IFT74: variants seen among roughly 807,000 people sequenced by gnomAD.
IFT74 encodes the protein intraflagellar transport 74.
Under a neutral mutation model 96.7 loss-of-function variants are expected in IFT74, and 92 were observed. The ratio of observed to expected loss-of-function variants is 0.95; its 90% confidence interval spans 0.80 to 1.13. IFT74 has a LOEUF of 1.13. IFT74 is among the 50% of genes most tolerant of loss of function. The probability of loss-of-function intolerance (pLI) is 0.00; values close to 1 mark genes in which losing one functional copy is unlikely to be tolerated. For missense variants in IFT74, 811 were observed against 698.2 expected (o/e 1.16, Z -1.82); for synonymous variants, 223 against 213.2 (o/e 1.05, Z -0.40).
chr9:27,005,668 C>T (rs773605871), intron 8 of IFT74: 1 of 151,216 alleles, frequency 6.6e-6, no homozygotes, highest in Non-Finnish European at 1.5e-5. Context: ...AAAAGTACAT[C>T]GTATGATTAC....
intron 13 of IFT74, among the ~76,000 whole-genome samples, chr9:27,040,544 C>CAAAAAAAAAAAAA (rs751893169): frequency 9.7e-5 from 6 of 62,074 alleles, no homozygotes; most frequent in African/African-American, 3.4e-4. Flanking sequence ...GACACTGTCT[C>CAAAAAAAAAAAAA]AAAAAAAAAA....
intron 8 of IFT74, among the ~76,000 whole-genome samples, chr9:26,998,429 A>G (rs986223218): frequency 9.8e-5 from 15 of 152,320 alleles, no homozygotes; most frequent in Non-Finnish European, 2.1e-4. Context: ...AAAATTAAGG[A>G]TATTCTGATA....
chr9:26,956,404 C>A (rs192222862), upstream of IFT74: 147 of 152,388 alleles, frequency 9.6e-4, 1 homozygote, highest in African/African-American at 3.4e-3. Context: ...TACGCCGCGG[C>A]GCACGGCAGT....
intron 4 of IFT74, among the ~76,000 whole-genome samples, chr9:26,983,384 A>G (rs1047294956): frequency 2.4e-4 from 36 of 152,308 alleles, no homozygotes; most frequent in African/African-American, 7.9e-4. Context: ...CTGGCTCTAG[A>G]GCAGTGGTTC....
chr9:26,969,141 A>G (rs1826766627), intron 2 of IFT74, among the ~76,000 whole-genome samples: 1 of 152,052 alleles, frequency 6.6e-6, no homozygotes, highest in Non-Finnish European at 1.5e-5. Context: ...GTTTTAAAAA[A>G]TTTCCTTTTT....
intron 9 of IFT74, among the ~76,000 whole-genome samples, chr9:27,009,511 A>C (rs1016113174): frequency 2.0e-5 from 3 of 152,164 alleles, no homozygotes; most frequent in African/African-American, 7.2e-5. Context: ...AAATGTTTGC[A>C]TTGATAAAAA....
At chr9:26,975,771 C>G (rs1827088422) in intron 2 of IFT74, among the ~76,000 whole-genome samples, 1 of 152,182 alleles carries the variant, frequency 6.6e-6, no homozygotes, top group Admixed American at 6.5e-5. Flanking sequence ...CTATCGATTT[C>G]CATAGGCATT....
intron 18 of IFT74, among the ~76,000 whole-genome samples, chr9:27,057,815 G>A (rs537202099): frequency 6.6e-6 from 1 of 151,768 alleles, no homozygotes; most frequent in African/African-American, 2.4e-5. Context: ...CTGAGATCGC[G>A]CCACTGCACT....
chr9:27,035,941 A>G (rs969215421), intron 13 of IFT74, among the ~76,000 whole-genome samples: 3 of 152,210 alleles, frequency 2.0e-5, no homozygotes, highest in African/African-American at 7.2e-5. Flanking sequence ...AAATCCATGT[A>G]TAACTTTTGA....
At chr9:26,991,607 T>A (rs1305784768) in intron 8 of IFT74, among the ~76,000 whole-genome samples, 2 of 152,156 alleles carry the variant, frequency 1.3e-5, no homozygotes, top group Non-Finnish European at 2.9e-5. Flanking sequence ...GAAAATTTTG[T>A]TCATGGTAAC....
chr9:27,007,766 G>T (rs940236316), intron 8 of IFT74, among the ~76,000 whole-genome samples: 1 of 152,204 alleles, frequency 6.6e-6, no homozygotes, highest in Non-Finnish European at 1.5e-5. Context: ...ATCTATGAGC[G>T]AAAGAGAGTA....
At chr9:26,968,707 G>A (rs1826745909) in intron 2 of IFT74, among the ~76,000 whole-genome samples, 1 of 152,126 alleles carries the variant, frequency 6.6e-6, no homozygotes, top group Non-Finnish European at 1.5e-5. Context: ...GCATAGAGTT[G>A]CTCATAGTGG....
At position 27,036,411 on chromosome 9, in the gene IFT74, A is replaced by G. The variant is rs576690710; in HGVS notation, c.1054+7307A>G. 1.5e-5 allele frequency: 24 copies of G among 1,606,482 alleles called. No homozygotes were observed. The African/African-American group carries it at 2.0e-4, about 13-fold the overall frequency. ...CTTTTTACCACAGCAATTTTGTAAT[A>G]TAGTCAATTCTTTGTACCCACGGGT... is the stretch of plus-strand genomic sequence containing the variant. On this transcript the variant is annotated intron_variant, in intron 13 of 19. Transcript: ENST00000380062.
intron 2 of IFT74, among the ~76,000 whole-genome samples, chr9:26,969,748 CTG>C (rs1298820422): frequency 6.6e-6 from 1 of 151,942 alleles, no homozygotes; most frequent in Non-Finnish European, 1.5e-5. Flanking sequence ...TCTATAAGAA[CTG>C]TGAGTTTAAT....
In IFT74 at chr9:26,948,448, A is replaced by ATTATTATTATTATTATTTTTT. The variant is rs1825819541; in HGVS notation, c.-20+1304_-20+1305insATTATTATTATTATTTTTTTT. ...TGACAACCTGTGATGGCTTTCCATT[A>ATTATTATTATTATTATTTTTT]TTTTTTTTTTTTTTTTTTTTTTTTT... On this transcript the variant is annotated intron_variant, in intron 1 of 19. Coordinates refer to the IFT74 transcript ENST00000433700. 1.2e-4 allele frequency among the ~76,000 whole-genome samples: 7 copies of ATTATTATTATTATTATTTTTT among 59,162 alleles called. 1 individual carries two copies. Among genetic ancestry groups the ATTATTATTATTATTATTTTTT allele is most frequent in the Non-Finnish European group, 7.7e-5 (2 of 26,084 alleles). 38.8% of individuals were successfully genotyped at this position (59,162 alleles called of 152,430 possible).
intron 2 of IFT74, 90 bp downstream of exon 2, chr9:26,962,177 C>G: frequency 8.0e-7 from 1 of 1,249,988 alleles, no homozygotes; most frequent in Non-Finnish European, 1.1e-6. Context: ...GAACTCTGAT[C>G]ATGCCACTGC....
intron 8 of IFT74, among the ~76,000 whole-genome samples, chr9:27,004,864 A>G (rs1828689622): frequency 6.6e-6 from 1 of 152,156 alleles, no homozygotes; most frequent in South Asian, 2.1e-4. Flanking sequence ...AAAAAAAAAG[A>G]GCTTTACTCA....
At chr9:26,952,080 T>C, upstream of IFT74, among the ~76,000 whole-genome samples, 1 of 152,226 alleles carries the variant, frequency 6.6e-6, no homozygotes, top group East Asian at 1.9e-4. Context: ...ATTCTTCTAG[T>C]GCCAATACAT....
In IFT74 at chr9:26,998,177, A is replaced by T. The variant is rs753832531; in HGVS notation, c.587+7982A>T. 5.7e-6 allele frequency: 9 copies of T among 1,575,878 alleles called. No homozygotes were observed. In the South Asian group the frequency reaches 8.2e-5, roughly 14 times the overall value. ...GTTATAACTGAGATCAAGTATAGTA[A>T]CATCTTTCTTGATATCTGCTGGAAT... is the stretch of plus-strand genomic sequence containing the variant. On this transcript the variant is annotated intron_variant, in intron 8 of 19. Coordinates refer to ENST00000380062, the MANE Select transcript of IFT74 (RefSeq NM_025103.4).
Sources: allele counts gnomAD v4.1 joint callset (sites outside exome capture counted in the v4.1 genomes callset), GRCh38; gene constraint gnomAD v4.1.1; transcripts MANE v1.5; gene names NCBI Gene and HGNC (gene_info 2026-07-23, HGNC 2026-07-21).